BBOF1: variants seen among roughly 807,000 people sequenced by gnomAD.
The protein encoded by BBOF1 is basal body orientation factor 1, also known as basal body-orientation factor 1.
A neutral mutation model predicts 68.0 loss-of-function variants in BBOF1; 62 were observed. The ratio of observed to expected loss-of-function variants is 0.91; its 90% CI spans 0.74 to 1.13. BBOF1 has a LOEUF of 1.13. Among genes scored for constraint, BBOF1 ranks in the 50% most tolerant of loss-of-function variants. The pLI, the probability that BBOF1 is intolerant of heterozygous loss-of-function variation, is 0.00. For synonymous variants in BBOF1, 208 were observed against 198.8 expected, an observed-to-expected ratio of 1.05 and a Z score of -0.39; for missense variants, 534 against 600.1, an observed-to-expected ratio of 0.89 and a Z score of 1.15.
chr14:74,068,783 C>G, downstream of BBOF1: 1 of 1,535,776 alleles, frequency 6.5e-7, no homozygotes, highest in Non-Finnish European at 9.0e-7. Context: ...GATGAGTGGC[C>G]TCTCTGCTGA....
chr14:74,031,420 C>G (rs905109302), intron 3 of BBOF1, among the ~76,000 whole-genome samples: 4 of 152,080 alleles, frequency 2.6e-5, no homozygotes, highest in Non-Finnish European at 4.4e-5. Flanking sequence ...GCATCATTCC[C>G]TTTTATAGCT....
downstream of BBOF1, chr14:74,066,657 CT>C (rs1416475562): frequency 4.6e-6 from 7 of 1,536,742 alleles, no homozygotes; most frequent in Non-Finnish European, 5.4e-6. Flanking sequence ...ATTCTATAGC[CT>C]TTAAGGTGCC....
intron 11 of BBOF1, 124 bp downstream of exon 11, chr14:74,057,382 AT>A (rs1566820028): frequency 6.4e-7 from 1 of 1,552,642 alleles, no homozygotes. Flanking sequence ...GGAATGAGTA[AT>A]AAATAGCATT....
At chr14:74,020,997 C>T (rs2059276650) in intron 1 of BBOF1, among the ~76,000 whole-genome samples, 1 of 152,160 alleles carries the variant, frequency 6.6e-6, no homozygotes, top group Non-Finnish European at 1.5e-5. Flanking sequence ...ACTGCAAACC[C>T]ATTACCTCTG....
At chr14:74,072,466 G>C in intron 9 of BBOF1, 1 of 1,612,964 alleles carries the variant, frequency 6.2e-7, no homozygotes, top group Admixed American at 1.7e-5. Context: ...AGACACCCAG[G>C]TCCCTTCTTG....
At chr14:74,074,374 C>T (rs1566835053) in intron 9 of BBOF1, among the ~76,000 whole-genome samples, 1 of 151,626 alleles carries the variant, frequency 6.6e-6, no homozygotes, top group South Asian at 2.1e-4. Context: ...GCAACCTCCG[C>T]CTCCCGAATT....
At chr14:74,078,618 C>T (rs1595133815) in intron 10 of BBOF1, among the ~76,000 whole-genome samples, 1 of 152,206 alleles carries the variant, frequency 6.6e-6, no homozygotes, top group Non-Finnish European at 1.5e-5. Flanking sequence ...ACCTCCACCT[C>T]CCGGGTTCAA....
At chr14:74,040,512 A>G (rs2059806827) in intron 4 of BBOF1, 53 bp from the exon 5 acceptor site, 13 of 1,119,092 alleles carry the variant, frequency 1.2e-5, no homozygotes, top group East Asian at 2.6e-5. Context: ...AATGTGCTCA[A>G]TGACCCCCAT....
At chr14:74,042,636 ATC>A (rs1214172357) in intron 5 of BBOF1, among the ~76,000 whole-genome samples, 2 of 151,956 alleles carry the variant, frequency 1.3e-5, no homozygotes, top group Non-Finnish European at 2.9e-5. Flanking sequence ...TTCATCTTAC[ATC>A]TCACTGACCA....
At chr14:74,079,144 C>T (rs1397237153) in intron 10 of BBOF1, among the ~76,000 whole-genome samples, 2 of 151,736 alleles carry the variant, frequency 1.3e-5, no homozygotes, top group Non-Finnish European at 2.9e-5. Flanking sequence ...ACGTAATTAT[C>T]TTTACCACAT....
rs1206152685 is a variant in BBOF1, at chr14:74,023,006, T to C, written c.147T>C (p.Ser49=). The C allele has an allele frequency of 6.2e-7, 1 of 1,612,744 alleles. No homozygotes were observed. Among genetic ancestry groups the C allele is most frequent in the South Asian group, 1.1e-5 (1 of 90,744 alleles). Residue 49 remains serine, a synonymous_variant, in exon 2 of 12, where the codon TCT becomes TCC. Coordinates refer to ENST00000394009, the MANE Select transcript of BBOF1 (RefSeq NM_025057.3). ...CCAGGTTGGAAGTCACAGAACTCTC[T>C]AGGATTAAGTATCGTGATACTTCAC... ...WEARLEVTEL[S]RIKYRDTSRI... is the part of the protein sequence containing the mutation.
At chr14:74,021,966 A>C (rs111333969) in intron 1 of BBOF1, among the ~76,000 whole-genome samples, 7 of 152,240 alleles carry the variant, frequency 4.6e-5, no homozygotes, top group African/African-American at 1.7e-4. Context: ...GGGAGATCAC[A>C]GTTATACTAC....
chr14:74,071,626 C>T (rs1375933979), intron 9 of BBOF1: 3 of 1,569,118 alleles, frequency 1.9e-6, no homozygotes, highest in African/African-American at 1.4e-5. Context: ...CTGACTTGCC[C>T]TTCCAAGTTA....
At chr14:74,078,376 T>C in intron 10 of BBOF1, 1 of 388,426 alleles carries the variant, frequency 2.6e-6, no homozygotes, top group South Asian at 2.0e-5. Flanking sequence ...TTTTTTGAGA[T>C]AGGGTCTCGT....
At chr14:74,046,322 A>AGGAAAGATCCTGG (rs1704101531) in intron 6 of BBOF1, among the ~76,000 whole-genome samples, 192 bp downstream of exon 6, 1 of 151,940 alleles carries the variant, frequency 6.6e-6, no homozygotes, top group Non-Finnish European at 1.5e-5. Context: ...TTTCTGTGGC[A>AGGAAAGATCCTGG]GCATTGTGTG....
intron 2 of BBOF1, among the ~76,000 whole-genome samples, chr14:74,025,019 C>G (rs1164214862): frequency 6.6e-6 from 1 of 152,012 alleles, no homozygotes; most frequent in Non-Finnish European, 1.5e-5. Context: ...CCGCCCACCT[C>G]ACCCTCCCAA....
At chr14:74,054,678 C>CTA (rs1555375038) in intron 8 of BBOF1, among the ~76,000 whole-genome samples, 3 of 119,210 alleles carry the variant, frequency 2.5e-5, no homozygotes, top group African/African-American at 6.3e-5. Context: ...CACCCAGGCT[C>CTA]TTTTTTTTTT....
intron 7 of BBOF1, among the ~76,000 whole-genome samples, chr14:74,048,867 A>C (rs960192258): frequency 3.9e-5 from 6 of 152,096 alleles, no homozygotes; most frequent in African/African-American, 1.4e-4. Context: ...TTAATGTTTT[A>C]CTATATAGTT....
In BBOF1 at chr14:74,057,701, C is replaced by A. The variant is rs1313252703; in HGVS notation, c.1578+443C>A. 3 of 1,255,282 alleles carry A rather than the reference C, an allele frequency of 2.4e-6. No homozygotes were observed. In the East Asian group the frequency reaches 1.7e-4, roughly 70 times the overall value. 77.8% of individuals were successfully genotyped at this position (1,255,282 alleles called of 1,614,324 possible). On this transcript the variant is annotated intron_variant, in intron 11 of 11. Coordinates refer to ENST00000394009, the MANE Select transcript of BBOF1 (RefSeq NM_025057.3). ...AGTTTTTAATTTATAATTTGTTATT[C>A]ATAATTAGTACAATGTAGAATCTGA...
Sources: gnomAD v4.1 joint callset for allele counts (sites outside exome capture counted in the v4.1 genomes callset) on GRCh38, gnomAD v4.1.1 for gene constraint, MANE v1.5 for transcripts, NCBI Gene and HGNC (gene_info 2026-07-23, HGNC 2026-07-21) for gene names.